Variants in SGMS1 observed in about 807,000 individuals in gnomAD.
The protein encoded by SGMS1 is sphingomyelin synthase 1, also known as phosphatidylcholine:ceramide cholinephosphotransferase 1.
SGMS1 carries 13 observed loss-of-function variants against 46.2 expected under a neutral mutation model. The ratio of observed to expected loss-of-function variants is 0.28; its 90% confidence interval spans 0.18 to 0.45. The LOEUF is 0.45. Among genes scored for constraint, SGMS1 ranks in the 20% least tolerant of loss-of-function variants. The pLI is 1.00. For synonymous variants in SGMS1, 203 were observed against 187.8 expected, an observed-to-expected ratio of 1.08 and a Z score of -0.66; for missense variants, 324 against 519.9, an observed-to-expected ratio of 0.62 and a Z score of 3.66.
At chr10:50,380,348 C>T (rs1442643550) in intron 6 of SGMS1, among the ~76,000 whole-genome samples, 1 of 150,008 alleles carries the variant, frequency 6.7e-6, no homozygotes, top group Non-Finnish European at 1.5e-5. Flanking sequence ...CACTGCACTC[C>T]AGCCTGGGCA....
At chr10:50,562,549 A>G (rs1838249828) in intron 2 of SGMS1, among the ~76,000 whole-genome samples, 1 of 152,040 alleles carries the variant, frequency 6.6e-6, no homozygotes, top group South Asian at 2.1e-4. Context: ...TATTGTCTCC[A>G]CACTCTTTTT....
chr10:50,559,328 G>T lies in SGMS1; in HGVS notation c.-589+30825C>A, dbSNP rs368037246. The stretch of plus-strand genomic sequence containing the variant: ...GCCCACCCTGACCCAGCTGCCAGAG[G>T]CGTACCCTACACTGTCATTCCAAAT... On this transcript the variant is annotated intron_variant, in intron 2 of 10. Coordinates refer to ENST00000361781, the MANE Select transcript of SGMS1 (RefSeq NM_147156.4). 3.0e-4 allele frequency among the ~76,000 whole-genome samples: 45 copies of T among 151,968 alleles called. No individual in the cohort carries two copies. The East Asian group carries it at 3.3e-3, about 11-fold the overall frequency.
chr10:50,400,594 C>T (rs921244318), intron 6 of SGMS1, among the ~76,000 whole-genome samples: 9 of 151,516 alleles, frequency 5.9e-5, no homozygotes, highest in Non-Finnish European at 2.9e-5. Context: ...GAGACTACAG[C>T]TATATACCAC....
intron 1 of SGMS1, among the ~76,000 whole-genome samples, chr10:50,608,578 G>C (rs1030954529): frequency 1.3e-5 from 2 of 152,100 alleles, no homozygotes; most frequent in East Asian, 3.9e-4. Flanking sequence ...GGAGAGAAAA[G>C]AGAGTTTCAA....
chr10:50,352,926 T>C (rs982890118), intron 6 of SGMS1, among the ~76,000 whole-genome samples: 7 of 152,186 alleles, frequency 4.6e-5, no homozygotes, highest in African/African-American at 1.4e-4. Context: ...TAACAGGCTC[T>C]GAAATTGAGG....
chr10:50,622,806 C>G (rs1450557127), intron 1 of SGMS1, among the ~76,000 whole-genome samples: 3 of 152,246 alleles, frequency 2.0e-5, no homozygotes, highest in Admixed American at 2.0e-4. Flanking sequence ...AGGCTGAATC[C>G]GTTAGCTGGA....
chr10:50,541,298 G>A (rs1838050045), intron 2 of SGMS1, among the ~76,000 whole-genome samples: 1 of 152,060 alleles, frequency 6.6e-6, no homozygotes, highest in South Asian at 2.1e-4. Context: ...CTAAATTATA[G>A]CACTTACTGC....
intron 6 of SGMS1, among the ~76,000 whole-genome samples, chr10:50,376,159 C>T (rs547437420): frequency 6.6e-6 from 1 of 152,188 alleles, no homozygotes; most frequent in South Asian, 2.1e-4. Flanking sequence ...AACAATGTAC[C>T]ACAAGCCATG....
intron 6 of SGMS1, among the ~76,000 whole-genome samples, chr10:50,392,993 GTT>G: frequency 6.8e-6 from 1 of 147,928 alleles, no homozygotes; most frequent in South Asian, 2.2e-4. Flanking sequence ...CATCCAGAAA[GTT>G]TTTTTTTTTT....
At chr10:50,391,975 A>C (rs1367357365) in intron 6 of SGMS1, among the ~76,000 whole-genome samples, 1 of 152,144 alleles carries the variant, frequency 6.6e-6, no homozygotes, top group Non-Finnish European at 1.5e-5. Flanking sequence ...AGTGGAAGCT[A>C]AACACTGAGT....
chr10:50,609,993 G>C (rs777690047), intron 1 of SGMS1, among the ~76,000 whole-genome samples: 15 of 152,190 alleles, frequency 9.9e-5, no homozygotes, highest in Non-Finnish European at 1.9e-4. Flanking sequence ...AGCAGCAACT[G>C]CTCCAAGGGG....
intron 3 of SGMS1, among the ~76,000 whole-genome samples, chr10:50,479,675 A>T (rs1048678905): frequency 9.2e-5 from 14 of 152,194 alleles, no homozygotes; most frequent in African/African-American, 3.1e-4. Context: ...AATAATTTGT[A>T]ATTTGCCCTT....
intron 6 of SGMS1, among the ~76,000 whole-genome samples, chr10:50,344,950 TGGTCAAGAGACCA>T (rs1325777536): frequency 7.2e-5 from 11 of 152,276 alleles, no homozygotes; most frequent in Non-Finnish European, 1.5e-4. Flanking sequence ...CTTTTCAACC[TGGTCAAGAGACCA>T]GGTATTCTCT....
At chr10:50,556,969 T>A (rs2133840005) in intron 2 of SGMS1, among the ~76,000 whole-genome samples, 1 of 152,300 alleles carries the variant, frequency 6.6e-6, no homozygotes, top group Admixed American at 6.5e-5. Flanking sequence ...TGTTCCCATG[T>A]TCTAAGCGTG....
At chr10:50,311,142 G>A in intron 9 of SGMS1, 120 bp downstream of exon 9, 1 of 1,176,140 alleles carries the variant, frequency 8.5e-7, no homozygotes, top group Non-Finnish European at 1.2e-6. Flanking sequence ...GAAGCTGCAA[G>A]CCTCCTGAAG....
intron 4 of SGMS1, among the ~76,000 whole-genome samples, chr10:50,462,724 T>C (rs1283346914): frequency 1.3e-5 from 2 of 152,098 alleles, no homozygotes; most frequent in Non-Finnish European, 2.9e-5. Context: ...ATCAAAATGT[T>C]AGTAAAAACG....
At chr10:50,325,862 AC>A (rs1365069194) in intron 8 of SGMS1, among the ~76,000 whole-genome samples, 36 of 152,344 alleles carry the variant, frequency 2.4e-4, no homozygotes, top group African/African-American at 7.9e-4. Context: ...CTGTCAGTTT[AC>A]TGCTGAGAAC....
intron 2 of SGMS1, among the ~76,000 whole-genome samples, chr10:50,575,284 T>C (rs900174071): frequency 3.9e-5 from 6 of 152,160 alleles, no homozygotes; most frequent in Non-Finnish European, 7.4e-5. Flanking sequence ...CCAGGCACAG[T>C]GGCTCACGCC....
At chr10:50,452,638 T>C (rs1837126158) in intron 5 of SGMS1, among the ~76,000 whole-genome samples, 2 of 152,096 alleles carry the variant, frequency 1.3e-5, no homozygotes, top group South Asian at 2.1e-4. Context: ...ACAACCCTAG[T>C]AATACTGAAT....
Sources: allele counts gnomAD v4.1 joint callset (sites outside exome capture counted in the v4.1 genomes callset), GRCh38; gene constraint gnomAD v4.1.1; transcripts MANE v1.5; gene names NCBI Gene and HGNC (gene_info 2026-07-23, HGNC 2026-07-21).